Variants in HYOU1 observed in about 807,000 individuals in gnomAD.
HYOU1 encodes hypoxia up-regulated 1.
In HYOU1, 40 loss-of-function variants were observed where a neutral mutation model predicts 120.5. The ratio of observed to expected loss-of-function variants is 0.33; its 90% CI spans 0.26 to 0.43. HYOU1 has a LOEUF of 0.43. Among genes scored for constraint, HYOU1 ranks in the 20% least tolerant of loss-of-function variants. The pLI, the probability that HYOU1 is intolerant of heterozygous loss-of-function variation, is 1.00. For synonymous variants in HYOU1, 501 were observed against 479.4 expected, an observed-to-expected ratio of 1.05 and a Z score of -0.59; for missense variants, 1,085 against 1,278.3, an observed-to-expected ratio of 0.85 and a Z score of 2.31.
chr11:119,052,663 T>C lies in HYOU1; in HGVS notation c.961A>G (p.Ser321Gly). Residue 321 changes from serine (S) to glycine (G), a missense_variant, in exon 9 of 26, where the codon AGT becomes GGT. Coordinates refer to ENST00000617285, the MANE Select transcript of HYOU1 (RefSeq NM_006389.5). This position sits in a 1 kb window ranked among gnomAD's most constrained non-coding sequence, Gnocchi z 5.0. ...TGTGCCATGTGGTCAGCGTTGGCACTGAGGACGGTTTTGAGCCGATTAGCC... is the reference window on the plus strand; with the variant it reads ...TGTGCCATGTGGTCAGCGTTGGCACCGAGGACGGTTTTGAGCCGATTAGCC... ...REANRLKTVL[S>G]ANADHMAQIE... The C allele has an allele frequency of 6.2e-7, 1 of 1,613,982 alleles. No individual in the cohort carries two copies. Among genetic ancestry groups the C allele is most frequent in the Non-Finnish European group, 8.5e-7 (1 of 1,179,898 alleles).
In HYOU1 at chr11:119,056,280, C is replaced by T. The variant is rs781823044; in HGVS notation, c.-7-113G>A. The T allele has an allele frequency of 7.8e-6, 6 of 773,524 alleles. No individual in the cohort carries two copies. The African/African-American group carries it at 8.5e-5, about 11-fold the overall frequency. 47.9% of individuals were successfully genotyped at this position (773,524 alleles called of 1,614,324 possible). A position where few individuals can be genotyped will look rare whatever the true frequency, so the allele number is the denominator to read the frequency against. On this transcript the variant is annotated intron_variant, in intron 1 of 25. Coordinates refer to ENST00000617285, the MANE Select transcript of HYOU1 (RefSeq NM_006389.5). ...GATTCATATCTACTTCATTCTTACC[C>T]AGGGCAGATCAGCCTACTTCTCCCC...
intron 14 of HYOU1, among the ~76,000 whole-genome samples, chr11:119,050,060 T>C (rs1944332082): frequency 6.6e-6 from 1 of 152,212 alleles, no homozygotes; most frequent in African/African-American, 2.4e-5. Flanking sequence ...CCCCTACTTC[T>C]CCACTCAATA....
rs1944834341 is a variant in HYOU1 at position 119,057,183 on chromosome 11, C to T, written c.-171G>A. On this transcript the variant is annotated 5_prime_UTR_variant, in exon 1 of 26. Transcript: ENST00000617285. ...GGCGGCGTCTCGCGCACCAGCCGGC[C>T]CCGGACGCGGCGCGCGCTCATTGGA... The T allele has an allele frequency of 6.6e-6, 1 of 151,458 alleles. No homozygotes were observed. The highest frequency in any genetic ancestry group is 2.0e-4 in the South Asian group (1 of 4,896). 9.4% of individuals were successfully genotyped at this position (151,458 alleles called of 1,614,324 possible). A position where few individuals can be genotyped will look rare whatever the true frequency, so the allele number is the denominator to read the frequency against.
At position 119,055,149 on chromosome 11, in the gene HYOU1, C is replaced by A. The variant is rs2133610343; in HGVS notation, c.419+36G>T. 5.0e-6 allele frequency: 8 copies of A among 1,611,280 alleles called. No individual in the cohort carries two copies. Among genetic ancestry groups the A allele is most frequent in the Non-Finnish European group, 6.8e-6 (8 of 1,178,070 alleles). ...CACACACCAATGAGGAGCCCAGCAG[C>A]GTTGCCGAGACCACCTTCCCCAACA... On this transcript the variant is annotated intron_variant, in intron 5 of 25. Coordinates refer to ENST00000617285, the MANE Select transcript of HYOU1 (RefSeq NM_006389.5). The surrounding 1 kb of genome is among the most constrained non-coding windows in gnomAD (Gnocchi z 4.0).
rs2133587543 is a variant in HYOU1 at position 119,051,740 on chromosome 11, A to G, written c.1338+79T>C. 1.2e-6 allele frequency: 2 copies of G among 1,602,170 alleles called. No homozygotes were observed. The highest frequency in any genetic ancestry group is 2.7e-5 in the African/African-American group (2 of 74,638). On this transcript the variant is annotated intron_variant, in intron 12 of 25. Coordinates refer to ENST00000617285, the MANE Select transcript of HYOU1 (RefSeq NM_006389.5). The surrounding 1 kb of genome is among the most constrained non-coding windows in gnomAD (Gnocchi z 4.2). The stretch of plus-strand genomic sequence containing the variant: ...CTCTTAGCAGAAAGACAAAGGGATG[A>G]GCCAGAGCAGACAGAAGGGGAAACC...
rs1041449577 is a variant in HYOU1, at chr11:119,045,192, G to A, written c.*401C>T. 1 of 461,942 alleles carries A rather than the reference G, an allele frequency of 2.2e-6. No homozygotes were observed. The highest frequency in any genetic ancestry group is 4.4e-6 in the Non-Finnish European group (1 of 229,828). 28.6% of individuals were successfully genotyped at this position (461,942 alleles called of 1,614,324 possible). ...CTCATCGCATGGTGGGAGAGGAAGG[G>A]AGGGAAGGAACAATCACCAGAGAAG... On this transcript the variant is annotated 3_prime_UTR_variant, in exon 26 of 26. Coordinates refer to ENST00000617285, the MANE Select transcript of HYOU1 (RefSeq NM_006389.5).
In HYOU1 at chr11:119,048,465, T is replaced by C; in HGVS notation, c.2253+11A>G. On this transcript the variant is annotated intron_variant, in intron 19 of 25. Transcript: ENST00000617285. This position sits in a 1 kb window ranked among gnomAD's most constrained non-coding sequence, Gnocchi z 4.7. ...GCCCAGTGGGGGGGCTGCTGCCTCC[T>C]GCCCACTGACCTGGGTCTCAAATAT... The C allele has an allele frequency of 6.2e-7, 1 of 1,613,792 alleles. No homozygotes were observed. Among genetic ancestry groups the C allele is most frequent in the Non-Finnish European group, 8.5e-7 (1 of 1,179,924 alleles).
In HYOU1 at chr11:119,045,747, AGGCTTCCCACCGTAGCCCC is replaced by A; in HGVS notation, c.2938+15_2938+33del. The stretch of plus-strand genomic sequence containing the variant: ...GCAAAGGATTTCCTGAGACCCCACC[AGGCTTCCCACCGTAGCCCC>A]GGCTCCATCCTCACCTGCTCCAGGA... On this transcript the variant is annotated intron_variant, in intron 25 of 25. Coordinates refer to ENST00000617285, the MANE Select transcript of HYOU1 (RefSeq NM_006389.5). 1 of 1,613,520 alleles carries A rather than the reference AGGCTTCCCACCGTAGCCCC, an allele frequency of 6.2e-7. No homozygotes were observed. The highest frequency in any genetic ancestry group is 8.5e-7 in the Non-Finnish European group (1 of 1,179,644).
In HYOU1 at chr11:119,049,749, C is replaced by T. The variant is rs2133575310; in HGVS notation, c.1726+28G>A. On this transcript the variant is annotated intron_variant, in intron 15 of 25. Coordinates refer to ENST00000617285, the MANE Select transcript of HYOU1 (RefSeq NM_006389.5). ...CAACCTTCACACAAGTATATTCTCT[C>T]CCATACACACATGCATGCTCATCTT... 1.9e-6 allele frequency: 3 copies of T among 1,611,604 alleles called. No homozygotes were observed. The East Asian group carries it at 6.7e-5, about 36-fold the overall frequency.
rs1944506114 is a variant in HYOU1 at position 119,052,565 on chromosome 11, C to T, written c.987+72G>A. 1 of 1,571,810 alleles carries T rather than the reference C, an allele frequency of 6.4e-7. No homozygotes were observed. The highest frequency in any genetic ancestry group is 8.7e-7 in the Non-Finnish European group (1 of 1,153,796). ...ATGGGCCATGCCAGGCACGAGCAGC[C>T]CAGTTCAGTGGCAGGGTCCCCCACC... On this transcript the variant is annotated intron_variant, in intron 9 of 25. Coordinates refer to ENST00000617285, the MANE Select transcript of HYOU1 (RefSeq NM_006389.5). The surrounding 1 kb of genome is among the most constrained non-coding windows in gnomAD (Gnocchi z 5.0).
chr11:119,049,350 A>C lies in HYOU1; in HGVS notation c.1807-147T>G, dbSNP rs2133572296. On this transcript the variant is annotated intron_variant, in intron 16 of 25. Coordinates refer to ENST00000617285, the MANE Select transcript of HYOU1 (RefSeq NM_006389.5). ...TGGCCTGCTTGGACTGTGGCAATCTAGCTGGACAAAGGAAGAGCATCTGCA... is the reference window on the plus strand; with the variant it reads ...TGGCCTGCTTGGACTGTGGCAATCTCGCTGGACAAAGGAAGAGCATCTGCA... 1.4e-5 allele frequency: 22 copies of C among 1,553,078 alleles called. No homozygotes were observed. The South Asian group carries it at 2.2e-4, about 16-fold the overall frequency.
At chr11:119,056,209 C>T (rs781993077) in intron 1 of HYOU1, 42 bp from the exon 2 acceptor site, 4 of 1,367,410 alleles carry the variant, frequency 2.9e-6, no homozygotes, top group Admixed American at 1.7e-5. Flanking sequence ...ACTGGATACC[C>T]GGAGTGAAGG....
chr11:119,045,708 A>C (rs1054343633), intron 25 of HYOU1, 54 bp from the exon 26 acceptor site: 2 of 1,612,956 alleles, frequency 1.2e-6, no homozygotes, highest in African/African-American at 1.3e-5. Flanking sequence ...CAGAGGAACC[A>C]ACCCCAGTTC....
In HYOU1 at chr11:119,045,557, G is replaced by T. The variant is rs782682283; in HGVS notation, c.*36C>A. 1.3e-6 allele frequency: 2 copies of T among 1,540,462 alleles called. No homozygotes were observed. The highest frequency in any genetic ancestry group is 1.1e-5 in the South Asian group (1 of 89,672). ...TAAATAAATAGAAGTGGTGGGGGAA[G>T]GGGGTGGAGATGAATGGGGAAAACA... On this transcript the variant is annotated 3_prime_UTR_variant, in exon 26 of 26. Coordinates refer to ENST00000617285, the MANE Select transcript of HYOU1 (RefSeq NM_006389.5).
In HYOU1 at chr11:119,051,882, C is replaced by T. The variant is rs1313283783; in HGVS notation, c.1275G>A (p.Ala425=). 10 of 1,614,044 alleles carry T rather than the reference C, an allele frequency of 6.2e-6. No homozygotes were observed. Among genetic ancestry groups the T allele is most frequent in the East Asian group, 4.5e-5 (2 of 44,898 alleles). ...GCTTCACTTTAAAGGCTTTGCTGAG[C>T]GCAGCTGCCTGGTACACTGCCCCCA... ...AAMGAVYQAA[A]LSKAFKVKPF... Residue 425 remains alanine, a synonymous_variant, in exon 12 of 26, where the codon GCG becomes GCA. Coordinates refer to ENST00000617285, the MANE Select transcript of HYOU1 (RefSeq NM_006389.5). This position sits in a 1 kb window ranked among gnomAD's most constrained non-coding sequence, Gnocchi z 4.2.
At position 119,051,008 on chromosome 11, in the gene HYOU1, G is replaced by A; in HGVS notation, c.1665+27C>T. 2 of 1,613,646 alleles carry A rather than the reference G, an allele frequency of 1.2e-6. No individual in the cohort carries two copies. Among genetic ancestry groups the A allele is most frequent in the East Asian group, 2.2e-5 (1 of 44,884 alleles). ...CTGGCAGGGCCTGAGCCCCTGCTCT[G>A]CACACAGGGTATCCTTTAGCTCTCA... On this transcript the variant is annotated intron_variant, in intron 14 of 25. Transcript: ENST00000617285. This position sits in a 1 kb window ranked among gnomAD's most constrained non-coding sequence, Gnocchi z 4.2.
At chr11:119,047,525 G>T in intron 22 of HYOU1, 1 of 544,578 alleles carries the variant, frequency 1.8e-6, no homozygotes. Flanking sequence ...TCATGGGATG[G>T]GCTTTTTTGC....
Position 119,051,389 on chromosome 11 carries a change from C to T in HYOU1, c.1526+49G>A, listed in dbSNP as rs2133584512. 6.3e-7 allele frequency: 1 copy of T among 1,589,292 alleles called. No individual in the cohort carries two copies. The highest frequency in any genetic ancestry group is 8.6e-7 in the Non-Finnish European group (1 of 1,160,996). On this transcript the variant is annotated intron_variant, in intron 13 of 25. Transcript: ENST00000617285. This position sits in a 1 kb window ranked among gnomAD's most constrained non-coding sequence, Gnocchi z 4.2. ...CCCCAGTCCTCAGATTATCCAGCAG[C>T]CACGCCTCCCCCTCCCTGGAGCTCC...
chr11:119,044,663 GCA>G lies in HYOU1; in HGVS notation c.*928_*929del, dbSNP rs1348495687. 6.1e-6 allele frequency: 1 copy of G among 163,404 alleles called. No individual in the cohort carries two copies. Among genetic ancestry groups the G allele is most frequent in the African/African-American group, 2.4e-5 (1 of 41,724 alleles). The allele number at this position is 163,404 out of a possible 1,614,324, so 10.1% of individuals were successfully genotyped here. A position where few individuals can be genotyped will look rare whatever the true frequency, so the allele number is the denominator to read the frequency against. Reference sequence around the variant, plus strand: ...TTGGGATAGGGACTCACAGTAGAAAGCACATTTTGGTCAGCCCAGGGGGTCAG... The same window carrying G: ...TTGGGATAGGGACTCACAGTAGAAAGCATTTTGGTCAGCCCAGGGGGTCAG... On this transcript the variant is annotated 3_prime_UTR_variant, in exon 26 of 26. Transcript: ENST00000617285.
Sources: gnomAD v4.1 joint callset for allele counts (sites outside exome capture counted in the v4.1 genomes callset) on GRCh38, gnomAD v4.1.1 for gene constraint, Gnocchi (gnomAD v3.1) non-coding constraint, MANE v1.5 for transcripts, NCBI Gene and HGNC (gene_info 2026-07-23, HGNC 2026-07-21) for gene names.